Variants in RXRB observed in about 807,000 individuals in gnomAD.
RXRB encodes retinoic acid receptor RXR-beta.
In RXRB, 18 loss-of-function variants were observed where a neutral mutation model predicts 52.5. The ratio of observed to expected loss-of-function variants is 0.34; its 90% CI spans 0.24 to 0.51. RXRB has a LOEUF of 0.51. RXRB is among the 20% of genes least tolerant of loss of function. The pLI is 0.97. For synonymous variants in RXRB, 233 were observed against 267.1 expected (o/e 0.87, Z 1.25); for missense variants, 455 against 698.2 (o/e 0.65, Z 3.92).
Position 33,200,572 on chromosome 6 carries a change from A to G in RXRB, c.-96T>C. ...GAGCACGAGGAAGCCCCTGAGAGAAAGACTCTGGCCTGGATTGGGTCGAAT... is the reference window on the plus strand; with the variant it reads ...GAGCACGAGGAAGCCCCTGAGAGAAGGACTCTGGCCTGGATTGGGTCGAAT... On this transcript the variant is annotated 5_prime_UTR_variant, in exon 1 of 10. Coordinates refer to ENST00000374680, the MANE Select transcript of RXRB (RefSeq NM_021976.5). This position sits in a 1 kb window ranked among gnomAD's most constrained non-coding sequence, Gnocchi z 6.3. 1 of 1,492,460 alleles carries G rather than the reference A, an allele frequency of 6.7e-7. No homozygotes were observed. The highest frequency in any genetic ancestry group is 8.9e-7 in the Non-Finnish European group (1 of 1,121,442). The allele number at this position is 1,492,460 out of a possible 1,614,324, so 92.5% of individuals were successfully genotyped here.
Position 33,200,103 on chromosome 6 carries a change from G to A in RXRB, c.235+139C>T. 8.2e-7 allele frequency: 1 copy of A among 1,220,910 alleles called. No homozygotes were observed. Among genetic ancestry groups the A allele is most frequent in the South Asian group, 1.2e-5 (1 of 83,192 alleles). 75.6% of individuals were successfully genotyped at this position (1,220,910 alleles called of 1,614,324 possible). A position where few individuals can be genotyped will look rare whatever the true frequency, so the allele number is the denominator to read the frequency against. On this transcript the variant is annotated intron_variant, in intron 1 of 9. Coordinates refer to ENST00000374680, the MANE Select transcript of RXRB (RefSeq NM_021976.5). The surrounding 1 kb of genome is among the most constrained non-coding windows in gnomAD (Gnocchi z 6.3). ...CCCGCCCCGGGGGGGAGGGTGCTAA[G>A]GCCCTCGGGAGGGAGGGGACGCGTG...
rs1239155172 is a variant in RXRB, at chr6:33,200,357, C to T, written c.120G>A (p.Arg40=). The T allele has an allele frequency of 2.6e-6, 4 of 1,568,358 alleles. No homozygotes were observed. In the South Asian group the frequency reaches 3.5e-5, roughly 14 times the overall value. ...CGVASRWRRR[R]PWLDPAAAAA... The stretch of plus-strand genomic sequence containing the variant: ...CCGCCGCTGCGGGATCCAGCCAGGG[C>T]CGTCGCCGCCGCCACCGGGACGCGA... The change falls in exon 1 of 10, where the codon CGG becomes CGA. Residue 40 remains arginine, a synonymous_variant. Transcript: ENST00000374680. The surrounding 1 kb of genome is among the most constrained non-coding windows in gnomAD (Gnocchi z 6.3).
In RXRB at chr6:33,197,823, C is replaced by G; in HGVS notation, c.759G>C (p.Gln253His). The G allele has an allele frequency of 6.2e-7, 1 of 1,613,966 alleles. No individual in the cohort carries two copies. The highest frequency in any genetic ancestry group is 8.5e-7 in the Non-Finnish European group (1 of 1,180,034). The change falls in exon 4 of 10, where the codon CAG becomes CAC. Residue 253 changes from glutamine (Q) to histidine (H), a missense_variant. By Grantham distance (24) the Gln-to-His change is conservative. Coordinates refer to ENST00000374680, the MANE Select transcript of RXRB (RefSeq NM_021976.5). This position sits in a 1 kb window ranked among gnomAD's most constrained non-coding sequence, Gnocchi z 4.4. ...DNKDCTVDKR[Q>H]RNRCQYCRYQ... ...AGCGGCAGTACTGACAGCGGTTCCGCTGGCGCTTGTCCACTGTGCAGTCTT... is the reference window on the plus strand; with the variant it reads ...AGCGGCAGTACTGACAGCGGTTCCGGTGGCGCTTGTCCACTGTGCAGTCTT...
In RXRB at chr6:33,195,741, C is replaced by A. The variant is rs773822395; in HGVS notation, c.1124-39G>T. The A allele has an allele frequency of 2.5e-6, 4 of 1,607,436 alleles. No individual in the cohort carries two copies. In the South Asian group the frequency reaches 4.4e-5, roughly 18 times the overall value. The stretch of plus-strand genomic sequence containing the variant: ...CAAGGGTCAGGAGCCAGAAATCAGG[C>A]CAAGGGATTCAAAGCACATCAGTGG... On this transcript the variant is annotated intron_variant, in intron 6 of 9. Coordinates refer to ENST00000374680, the MANE Select transcript of RXRB (RefSeq NM_021976.5). The surrounding 1 kb of genome is among the most constrained non-coding windows in gnomAD (Gnocchi z 8.6).
upstream of RXRB, chr6:33,200,809 G>A (rs927838315): frequency 3.3e-6 from 5 of 1,522,282 alleles, no homozygotes; most frequent in African/African-American, 2.8e-5. This position sits in a 1 kb window ranked among gnomAD's most constrained non-coding sequence, Gnocchi z 6.3. Context: ...TGGATTCGTC[G>A]CTACCGGAGT....
chr6:33,196,587 C>T lies in RXRB; in HGVS notation c.840G>A (p.Gln280=). The change falls in exon 5 of 10, where the codon CAG becomes CAA. Residue 280 remains glutamine (Q), a synonymous_variant. Coordinates refer to ENST00000374680, the MANE Select transcript of RXRB (RefSeq NM_021976.5). The surrounding 1 kb of genome is among the most constrained non-coding windows in gnomAD (Gnocchi z 4.0). The part of the protein sequence containing the change: ...MKREAVQEER[Q]RGKDKDGDGE... The stretch of plus-strand genomic sequence containing the variant: ...CATCCCCATCCTTGTCCTTTCCCCG[C>T]TGACGCTCCTCCTGTACCGCTGCAG... 1 of 1,610,708 alleles carries T rather than the reference C, an allele frequency of 6.2e-7. No individual in the cohort carries two copies.
chr6:33,199,125 GA>G, intron 2 of RXRB, 43 bp downstream of exon 2: 1 of 1,275,048 alleles, frequency 7.8e-7, no homozygotes. Context: ...AGGAAAACAA[GA>G]AAATGAAAGT....
At chr6:33,199,593 G>A (rs1400526064) in intron 1 of RXRB, 177 bp from the exon 2 acceptor site, 7 of 495,732 alleles carry the variant, frequency 1.4e-5, no homozygotes, top group Non-Finnish European at 2.5e-5. Context: ...AAACAACAGT[G>A]TAACTCCGGC....
At position 33,195,173 on chromosome 6, in the gene RXRB, TG is replaced by T; in HGVS notation, c.1349-124del. ...ACTTGCTTGCCCTTTACCAGAGGCC[TG>T]GCAAGGGAAGCAGGGCCCACTGGGT... is the stretch of plus-strand genomic sequence containing the variant. On this transcript the variant is annotated intron_variant, in intron 8 of 9. Transcript: ENST00000374680. This position sits in a 1 kb window ranked among gnomAD's most constrained non-coding sequence, Gnocchi z 8.6. 1.2e-6 allele frequency: 1 copy of T among 826,452 alleles called. No individual in the cohort carries two copies. The highest frequency in any genetic ancestry group is 2.0e-6 in the Non-Finnish European group (1 of 495,350). The allele number at this position is 826,452 out of a possible 1,614,324, so 51.2% of individuals were successfully genotyped here.
At chr6:33,199,919 A>T (rs1335508679) in intron 1 of RXRB, 5 of 700,790 alleles carry the variant, frequency 7.1e-6, no homozygotes, top group Non-Finnish European at 1.1e-5. Flanking sequence ...CAAGGGAAAG[A>T]GACAGGCAGG....
chr6:33,200,529 T>A lies in RXRB; in HGVS notation c.-53A>T. 1 of 1,534,376 alleles carries A rather than the reference T, an allele frequency of 6.5e-7. No individual in the cohort carries two copies. ...AAGAGGTCCCAGGGATTCCCAAGGA[T>A]TGATCGGAGGATTAGCTGAGCACGA... On this transcript the variant is annotated 5_prime_UTR_variant, in exon 1 of 10. Transcript: ENST00000374680. This position sits in a 1 kb window ranked among gnomAD's most constrained non-coding sequence, Gnocchi z 6.3.
chr6:33,200,806 G>C, upstream of RXRB: 1 of 1,523,520 alleles, frequency 6.6e-7, no homozygotes, highest in Non-Finnish European at 8.8e-7. The surrounding 1 kb of genome is among the most constrained non-coding windows in gnomAD (Gnocchi z 6.3). Flanking sequence ...GGATGGATTC[G>C]TCGCTACCGG....
intron 2 of RXRB, chr6:33,198,666 G>A (rs1774116689): frequency 1.4e-6 from 1 of 700,198 alleles, no homozygotes. Context: ...CTGAAATTGT[G>A]CAACACAGTG....
rs772299891 is a variant in RXRB at position 33,195,732 on chromosome 6, G to T, written c.1124-30C>A. On this transcript the variant is annotated intron_variant, in intron 6 of 9. Coordinates refer to ENST00000374680, the MANE Select transcript of RXRB (RefSeq NM_021976.5). The surrounding 1 kb of genome is among the most constrained non-coding windows in gnomAD (Gnocchi z 8.6). Reference sequence around the variant, plus strand: ...GTGGGGCAGCAAGGGTCAGGAGCCAGAAATCAGGCCAAGGGATTCAAAGCA... The same window carrying T: ...GTGGGGCAGCAAGGGTCAGGAGCCATAAATCAGGCCAAGGGATTCAAAGCA... 5 of 1,608,764 alleles carry T rather than the reference G, an allele frequency of 3.1e-6. No individual in the cohort carries two copies. Among genetic ancestry groups the T allele is most frequent in the Non-Finnish European group, 4.2e-6 (5 of 1,179,368 alleles).
Position 33,197,633 on chromosome 6 carries a change from G to A in RXRB, c.820+129C>T. ...GTAACAGGGAGGAGAGCTGCGAAGG[G>A]AGAGAGAAATCAAATATCGCCCTCT... On this transcript the variant is annotated intron_variant, in intron 4 of 9. Coordinates refer to ENST00000374680, the MANE Select transcript of RXRB (RefSeq NM_021976.5). The surrounding 1 kb of genome is among the most constrained non-coding windows in gnomAD (Gnocchi z 4.4). 1.2e-6 allele frequency: 1 copy of A among 835,578 alleles called. No homozygotes were observed. Among genetic ancestry groups the A allele is most frequent in the Non-Finnish European group, 1.8e-6 (1 of 543,022 alleles). 51.8% of individuals were successfully genotyped at this position (835,578 alleles called of 1,614,324 possible). A position where few individuals can be genotyped will look rare whatever the true frequency, so the allele number is the denominator to read the frequency against.
rs376711309 is a variant in RXRB, at chr6:33,200,527, G to C, written c.-51C>G. The C allele has an allele frequency of 1.3e-6, 2 of 1,535,310 alleles. No homozygotes were observed. The highest frequency in any genetic ancestry group is 4.7e-5 in the East Asian group (2 of 42,638). ...CGAAGAGGTCCCAGGGATTCCCAAG[G>C]ATTGATCGGAGGATTAGCTGAGCAC... On this transcript the variant is annotated 5_prime_UTR_variant, in exon 1 of 10. The change creates a new upstream start codon in the 5' untranslated region. Transcript: ENST00000374680. This position sits in a 1 kb window ranked among gnomAD's most constrained non-coding sequence, Gnocchi z 6.3.
chr6:33,199,721 C>T, intron 1 of RXRB: 1 of 434,512 alleles, frequency 2.3e-6, no homozygotes, highest in South Asian at 2.3e-5. Flanking sequence ...CGTAACTCCT[C>T]ATTGTGGTGA....
In RXRB at chr6:33,194,547, T is replaced by C. The variant is rs1773741372; in HGVS notation, c.*135A>G. 1.1e-6 allele frequency: 1 copy of C among 893,782 alleles called. No individual in the cohort carries two copies. The highest frequency in any genetic ancestry group is 1.6e-6 in the Non-Finnish European group (1 of 606,210). The allele number at this position is 893,782 out of a possible 1,614,324, so 55.4% of individuals were successfully genotyped here. The stretch of plus-strand genomic sequence containing the variant: ...TCAAGCAGATCCCTTGGAGGGTTTA[T>C]GTTCTTGGTTCTGCCCTGTACTTCT... On this transcript the variant is annotated 3_prime_UTR_variant, in exon 10 of 10. Coordinates refer to ENST00000374680, the MANE Select transcript of RXRB (RefSeq NM_021976.5). The surrounding 1 kb of genome is among the most constrained non-coding windows in gnomAD (Gnocchi z 4.1).
Position 33,197,628 on chromosome 6 carries a change from G to A in RXRB, c.820+134C>T, listed in dbSNP as rs1774015624. 2 of 809,514 alleles carry A rather than the reference G, an allele frequency of 2.5e-6. No homozygotes were observed. Among genetic ancestry groups the A allele is most frequent in the Non-Finnish European group, 3.8e-6 (2 of 521,724 alleles). The allele number at this position is 809,514 out of a possible 1,614,324, so 50.1% of individuals were successfully genotyped here. ...ACAGGGTAACAGGGAGGAGAGCTGC[G>A]AAGGGAGAGAGAAATCAAATATCGC... On this transcript the variant is annotated intron_variant, in intron 4 of 9. Transcript: ENST00000374680. The surrounding 1 kb of genome is among the most constrained non-coding windows in gnomAD (Gnocchi z 4.4).
Sources: gnomAD v4.1 joint callset for allele counts on GRCh38, gnomAD v4.1.1 for gene constraint, Gnocchi (gnomAD v3.1) non-coding constraint, MANE v1.5 for transcripts, NCBI Gene and HGNC (gene_info 2026-07-23, HGNC 2026-07-21) for gene names.